CHST15: variants seen among roughly 807,000 people sequenced by gnomAD.
CHST15 encodes the protein carbohydrate sulfotransferase 15.
A neutral mutation model predicts 53.6 loss-of-function variants in CHST15; 30 were observed. The observed-to-expected ratio is 0.56, with a 90% CI of 0.42 to 0.76. CHST15 has a LOEUF of 0.76. Ranked by LOEUF, CHST15 falls within the 30% of genes least tolerant of loss-of-function variation. The probability of loss-of-function intolerance (pLI) is 0.00; values close to 1 mark genes in which losing one functional copy is unlikely to be tolerated. For missense variants in CHST15, 627 were observed against 740.5 expected (o/e 0.85, Z 1.78); for synonymous variants, 296 against 289.8 (o/e 1.02, Z -0.22).
intron 1 of CHST15, among the ~76,000 whole-genome samples, chr10:124,089,744 C>T (rs1949547464): frequency 6.6e-6 from 1 of 152,146 alleles, no homozygotes; most frequent in African/African-American, 2.4e-5. Flanking sequence ...CCTTGCTTTG[C>T]ATCACCACCC....
At chr10:124,012,521 C>T in intron 6 of CHST15, 41 bp from the exon 7 acceptor site, 1 of 1,588,536 alleles carries the variant, frequency 6.3e-7, no homozygotes, top group Non-Finnish European at 8.6e-7. Context: ...GGAGCAGTTG[C>T]CCCAACACCA....
intron 7 of CHST15, chr10:124,011,167 C>T: frequency 1.1e-6 from 1 of 900,686 alleles, no homozygotes; most frequent in Non-Finnish European, 1.3e-6. Flanking sequence ...GCCCTCTGGG[C>T]CACAGCTTCT....
intron 5 of CHST15, among the ~76,000 whole-genome samples, chr10:124,035,364 T>TCCCTAACAGGGACCCTGGCTCCGCC (rs1947447225): frequency 5.4e-5 from 2 of 37,332 alleles, no homozygotes; most frequent in Non-Finnish European, 1.1e-4. Context: ...CTGGCTCCAC[T>TCCCTAACAGGGACCCTGGCTCCGCC]CCCTAACAGG....
At chr10:124,064,314 T>C (rs1359877905) in intron 1 of CHST15, among the ~76,000 whole-genome samples, 1 of 152,256 alleles carries the variant, frequency 6.6e-6, no homozygotes, top group Non-Finnish European at 1.5e-5. Flanking sequence ...TTTTCAGACC[T>C]GAAGTCATTT....
chr10:124,010,945 G>A (rs1476129604), intron 7 of CHST15: 7 of 985,316 alleles, frequency 7.1e-6, no homozygotes, highest in Non-Finnish European at 8.4e-6. Context: ...TGCCGGCAAG[G>A]GCTGTCAGTC....
chr10:124,072,890 A>T (rs1277752689), intron 1 of CHST15, among the ~76,000 whole-genome samples: 1 of 152,228 alleles, frequency 6.6e-6, no homozygotes, highest in Non-Finnish European at 1.5e-5. Context: ...AAAAAGGGCC[A>T]GCTGTTATCC....
At chr10:124,065,498 G>T (rs945513910) in intron 1 of CHST15, among the ~76,000 whole-genome samples, 1 of 152,158 alleles carries the variant, frequency 6.6e-6, no homozygotes, top group Non-Finnish European at 1.5e-5. Context: ...CAGGCAAATT[G>T]TTGTCACCCA....
At chr10:124,048,355 C>T (rs4612734) in intron 1 of CHST15, among the ~76,000 whole-genome samples, 4,450 of 152,268 alleles carry the variant, frequency 0.029, 266 homozygotes, top group East Asian at 0.21. Flanking sequence ...TATCAAGGAG[C>T]CAGTTTGAGA....
At chr10:124,079,021 A>G (rs2134201944) in intron 1 of CHST15, among the ~76,000 whole-genome samples, 1 of 152,378 alleles carries the variant, frequency 6.6e-6, no homozygotes, top group East Asian at 1.9e-4. Flanking sequence ...CTGAGCAAGC[A>G]TTCAGCATGT....
chr10:124,052,639 T>C (rs1053422127), intron 1 of CHST15, among the ~76,000 whole-genome samples: 11 of 152,212 alleles, frequency 7.2e-5, no homozygotes, highest in Non-Finnish European at 1.3e-4. Context: ...TAAACGTCTC[T>C]TCTCCCCATT....
In CHST15 at chr10:124,019,295, C is replaced by G. The variant is rs1946689162; in HGVS notation, c.1347+1961G>C. Among the ~76,000 whole-genome samples the G allele has an allele frequency of 6.6e-6, 1 of 152,308 alleles. No homozygotes were observed. ...CCAGCCCCAGCCCTGAGACCGCCCT[C>G]AGGGAGCTGCCTTGAGGACCGGGTG... On this transcript the variant is annotated intron_variant, in intron 6 of 7. Coordinates refer to ENST00000435907, the MANE Select transcript of CHST15 (RefSeq NM_001270764.2). The surrounding 1 kb of genome is among the most constrained non-coding windows in gnomAD (Gnocchi z 4.6).
chr10:124,073,925 G>A (rs1043561962), intron 1 of CHST15, among the ~76,000 whole-genome samples: 1 of 152,184 alleles, frequency 6.6e-6, no homozygotes, highest in Non-Finnish European at 1.5e-5. Flanking sequence ...GCTCCTCCTG[G>A]GTGGACTCGG....
At chr10:124,047,114 G>A (rs1948030624) in intron 1 of CHST15, among the ~76,000 whole-genome samples, 1 of 152,164 alleles carries the variant, frequency 6.6e-6, no homozygotes, top group Admixed American at 6.5e-5. Context: ...TTTGAGGGAT[G>A]GATTGAAATA....
At chr10:124,022,994 AT>A (rs1392616063) in intron 5 of CHST15, among the ~76,000 whole-genome samples, 2 of 150,308 alleles carry the variant, frequency 1.3e-5, no homozygotes, top group African/African-American at 4.9e-5. Context: ...ATTTTTTTGT[AT>A]TTTTCGTAGA....
chr10:124,068,234 G>A (rs945789579), intron 1 of CHST15, among the ~76,000 whole-genome samples: 1 of 152,152 alleles, frequency 6.6e-6, no homozygotes, highest in Non-Finnish European at 1.5e-5. Flanking sequence ...GCAGTTACCA[G>A]GACATGGGTT....
intron 5 of CHST15, among the ~76,000 whole-genome samples, chr10:124,030,690 G>A (rs550474166): frequency 3.9e-5 from 6 of 152,158 alleles, no homozygotes; most frequent in East Asian, 1.9e-4. Context: ...AGAAAACATC[G>A]CATGACATTC....
chr10:124,042,304 T>G lies in CHST15; in HGVS notation c.1030A>C (p.Ile344Leu), dbSNP rs1947769792. The G allele has an allele frequency of 6.2e-7, 1 of 1,609,386 alleles. No individual in the cohort carries two copies. Among genetic ancestry groups the G allele is most frequent in the Non-Finnish European group, 8.5e-7 (1 of 1,175,962 alleles). Reference protein sequence around the residue: ...KEQSKMNTIIIGEASASTMWD... With the variant: ...KEQSKMNTIILGEASASTMWD... ...CAGAGTGACACAGACGCCTTACCGA[T>G]AATGATTGTATTCATCTTGCTCTGC... The change falls in exon 4 of 8, where the codon ATC (isoleucine) becomes CTC (leucine). Residue 344 changes from isoleucine (I) to leucine (L), a missense_variant. By Grantham distance (5) the Ile-to-Leu change is conservative (BLOSUM62 2). This residue lies in a region of CHST15 where 279 missense variants were observed against 371.6 expected (regional missense o/e 0.75). Coordinates refer to ENST00000435907, the MANE Select transcript of CHST15 (RefSeq NM_001270764.2).
Position 124,021,257 on chromosome 10 carries a change from G to T in CHST15, c.1346C>A (p.Pro449His). ...GGTACGGGGGGGGGGGGTACACACA[G>T]GCATGGCGTTGTTGAGGGTGTTGTT... ...VYNNTLNNAM[P>H]VRLQVGLYAV... The change falls in exon 6 of 8, where the codon CCT becomes CAT. Residue 449 changes from proline (P) to histidine (H), a missense_variant and splice_region_variant. Pro to His is a moderately conservative substitution (Grantham distance 77, BLOSUM62 -2). This residue lies in a region of CHST15 where 279 missense variants were observed against 371.6 expected (regional missense o/e 0.75). Coordinates refer to ENST00000435907, the MANE Select transcript of CHST15 (RefSeq NM_001270764.2). The T allele has an allele frequency of 6.3e-7, 1 of 1,596,208 alleles. No individual in the cohort carries two copies. Among genetic ancestry groups the T allele is most frequent in the Non-Finnish European group, 8.5e-7 (1 of 1,169,830 alleles).
chr10:124,047,996 A>C (rs942901783), intron 1 of CHST15, among the ~76,000 whole-genome samples: 3 of 152,326 alleles, frequency 2.0e-5, no homozygotes, highest in African/African-American at 7.2e-5. Context: ...ACCGCGCATC[A>C]AGATCGCCAT....
Sources: gnomAD v4.1 joint callset for allele counts (sites outside exome capture counted in the v4.1 genomes callset) on GRCh38, gnomAD v4.1.1 for gene constraint, gnomAD v4.1.1 regional missense constraint, Gnocchi (gnomAD v3.1) non-coding constraint, MANE v1.5 for transcripts, NCBI Gene and HGNC (gene_info 2026-07-23, HGNC 2026-07-21) for gene names.